The following CNTNAP2 variants were observed in gnomAD, a reference collection of about 807,000 sequenced individuals.
CNTNAP2 encodes the protein contactin associated protein 2, also known as contactin-associated protein-like 2.
CNTNAP2 carries 98 observed loss-of-function variants against 155.2 expected under a neutral mutation model. The observed-to-expected ratio is 0.63, with a 90% CI of 0.54 to 0.75. CNTNAP2 has a LOEUF of 0.75. Ranked by LOEUF, CNTNAP2 falls within the 30% of genes least tolerant of loss-of-function variation. The pLI is 0.00. For synonymous variants in CNTNAP2, 651 were observed against 631.2 expected (o/e 1.03, Z -0.47); for missense variants, 1,727 against 1,688.1 (o/e 1.02, Z -0.40).
chr7:148,145,096 T>C (rs1167261398), intron 16 of CNTNAP2, among the ~76,000 whole-genome samples: 3 of 152,140 alleles, frequency 2.0e-5, no homozygotes, highest in African/African-American at 7.2e-5. Context: ...AGATCCTTCC[T>C]GAGGAAGCAA....
chr7:146,261,981 T>C (rs1799925560), intron 1 of CNTNAP2, among the ~76,000 whole-genome samples: 1 of 152,158 alleles, frequency 6.6e-6, no homozygotes, highest in Non-Finnish European at 1.5e-5. Context: ...TTCGACTGCA[T>C]TGATTGTTAG....
chr7:147,592,971 G>A (rs62483160), intron 12 of CNTNAP2, among the ~76,000 whole-genome samples: 59,273 of 152,024 alleles, frequency 0.39, 11,571 homozygotes, highest in Admixed American at 0.44. Context: ...CAGGATGCGA[G>A]GCAAAGACTT....
intron 2 of CNTNAP2, among the ~76,000 whole-genome samples, chr7:146,807,946 A>T (rs894813865): frequency 6.6e-6 from 1 of 152,106 alleles, no homozygotes; most frequent in East Asian, 1.9e-4. Context: ...TAGTGGTCTT[A>T]ATAATAGTGG....
At chr7:146,999,669 C>T (rs1798384717) in intron 3 of CNTNAP2, among the ~76,000 whole-genome samples, 1 of 149,772 alleles carries the variant, frequency 6.7e-6, no homozygotes, top group African/African-American at 2.5e-5. Context: ...TTTTTGTTGA[C>T]AGTTTTTTCC....
intron 13 of CNTNAP2, among the ~76,000 whole-genome samples, chr7:147,900,288 G>C (rs574665612): frequency 6.6e-6 from 1 of 152,230 alleles, no homozygotes; most frequent in East Asian, 1.9e-4. Flanking sequence ...TCAAGGGGGG[G>C]ACTTGGTGGG....
At chr7:146,576,913 G>C (rs921545347) in intron 1 of CNTNAP2, among the ~76,000 whole-genome samples, 2 of 152,034 alleles carry the variant, frequency 1.3e-5, no homozygotes, top group Non-Finnish European at 2.9e-5. Context: ...TAACTCCTAA[G>C]AGTGGTGAGG....
intron 1 of CNTNAP2, among the ~76,000 whole-genome samples, chr7:146,476,274 T>G (rs1262625665): frequency 6.6e-6 from 1 of 152,210 alleles, no homozygotes; most frequent in African/African-American, 2.4e-5. Context: ...ATTGCAATAT[T>G]CACCCAAAGA....
At chr7:146,914,241 G>C (rs1796348199) in intron 3 of CNTNAP2, among the ~76,000 whole-genome samples, 1 of 151,920 alleles carries the variant, frequency 6.6e-6, no homozygotes, top group African/African-American at 2.4e-5. Flanking sequence ...AATTGTGAAT[G>C]GTGATGCTAT....
chr7:147,053,710 T>C (rs1162330759), intron 4 of CNTNAP2, among the ~76,000 whole-genome samples: 1 of 152,146 alleles, frequency 6.6e-6, no homozygotes, highest in African/African-American at 2.4e-5. Flanking sequence ...ATAACTTTTA[T>C]TATACATATT....
chr7:146,354,111 A>G (rs1004859075), intron 1 of CNTNAP2, among the ~76,000 whole-genome samples: 5 of 152,162 alleles, frequency 3.3e-5, no homozygotes, highest in Non-Finnish European at 5.9e-5. Flanking sequence ...CCACATTTAG[A>G]TAACTACTCA....
At chr7:148,002,076 A>G (rs1401246623) in intron 15 of CNTNAP2, among the ~76,000 whole-genome samples, 3 of 152,180 alleles carry the variant, frequency 2.0e-5, no homozygotes, top group Non-Finnish European at 4.4e-5. Context: ...TTTTCTCTCC[A>G]TGGCTTGATG....
chr7:146,294,263 A>G (rs981498134), intron 1 of CNTNAP2, among the ~76,000 whole-genome samples: 2 of 152,222 alleles, frequency 1.3e-5, no homozygotes, highest in African/African-American at 4.8e-5. Flanking sequence ...AAGCTTCACA[A>G]TATGCCCAGA....
intron 21 of CNTNAP2, among the ~76,000 whole-genome samples, chr7:148,313,997 G>T (rs1006513206): frequency 3.9e-5 from 6 of 152,160 alleles, no homozygotes; most frequent in Admixed American, 3.9e-4. Flanking sequence ...TGCTGGGCAG[G>T]TTGGGGAGAG....
chr7:147,374,626 G>A (rs1466374415), intron 9 of CNTNAP2, among the ~76,000 whole-genome samples: 3 of 151,992 alleles, frequency 2.0e-5, no homozygotes, highest in African/African-American at 4.8e-5. Flanking sequence ...AATGATTTGT[G>A]ACATAGCATA....
chr7:146,269,003 CA>C (rs1468267068), intron 1 of CNTNAP2, among the ~76,000 whole-genome samples: 1 of 152,134 alleles, frequency 6.6e-6, no homozygotes, highest in Non-Finnish European at 1.5e-5. Flanking sequence ...TGGCCTCTAA[CA>C]GAGATTCTTC....
At chr7:146,175,904 A>G (rs1246038587) in intron 1 of CNTNAP2, among the ~76,000 whole-genome samples, 2 of 151,732 alleles carry the variant, frequency 1.3e-5, no homozygotes, top group Admixed American at 1.3e-4. Context: ...CCATAACCCT[A>G]TTGCAGTTGT....
At position 146,305,753 on chromosome 7, in the gene CNTNAP2, A is replaced by AG. The variant is rs201580536; in HGVS notation, c.97+188785dup. Among the ~76,000 whole-genome samples the AG allele has an allele frequency of 8.6e-3, 1,306 of 152,276 alleles. 16 individuals carry two copies. Among genetic ancestry groups the AG allele is most frequent in the African/African-American group, 0.03 (1,241 of 41,548 alleles). On this transcript the variant is annotated intron_variant, in intron 1 of 23. Coordinates refer to ENST00000361727, the MANE Select transcript of CNTNAP2 (RefSeq NM_014141.6). ...CTGGGACACATTTAAAGCAGCGTGTAGGGGGAAATTTATAGCACTAAATGC... is the reference window on the plus strand; with the variant it reads ...CTGGGACACATTTAAAGCAGCGTGTAGGGGGGAAATTTATAGCACTAAATGC...
chr7:147,069,711 T>C (rs1259812386), intron 4 of CNTNAP2, among the ~76,000 whole-genome samples: 1 of 152,156 alleles, frequency 6.6e-6, no homozygotes, highest in East Asian at 1.9e-4. Context: ...TAGCTGCTAA[T>C]CTCAAAGTTG....
intron 1 of CNTNAP2, among the ~76,000 whole-genome samples, chr7:146,441,469 C>G (rs1314895842): frequency 6.6e-6 from 1 of 151,452 alleles, no homozygotes; most frequent in Non-Finnish European, 1.5e-5. Context: ...CCCACCTGTT[C>G]CTTTCATTTA....
Sources: gnomAD v4.1 joint callset for allele counts (sites outside exome capture counted in the v4.1 genomes callset) on GRCh38, gnomAD v4.1.1 for gene constraint, MANE v1.5 for transcripts, NCBI Gene and HGNC (gene_info 2026-07-23, HGNC 2026-07-21) for gene names.